The following TMEM232 variants were observed in gnomAD, a reference collection of about 807,000 sequenced individuals.
The protein encoded by TMEM232 is transmembrane protein 232.
In TMEM232, 80 loss-of-function variants were observed where a neutral mutation model predicts 78.8. That is an observed-to-expected ratio of 1.01 (90% CI 0.85 to 1.22). The LOEUF is 1.22. TMEM232 is among the 50% of genes most tolerant of loss of function. The probability of loss-of-function intolerance (pLI) is 0.00; values close to 1 mark genes in which losing one functional copy is unlikely to be tolerated. For missense variants in TMEM232, 881 were observed against 742.2 expected (o/e 1.19, Z -2.17); for synonymous variants, 297 against 254.3 (o/e 1.17, Z -1.60).
At chr5:110,518,431 A>C (rs940358206) in intron 12 of TMEM232, among the ~76,000 whole-genome samples, 11 of 152,136 alleles carry the variant, frequency 7.2e-5, no homozygotes, top group Admixed American at 6.5e-5. Context: ...TCTACATTCC[A>C]ATACCCAGGC....
At chr5:110,679,053 C>T (rs1453332584) in intron 1 of TMEM232, among the ~76,000 whole-genome samples, 1 of 152,090 alleles carries the variant, frequency 6.6e-6, no homozygotes, top group Non-Finnish European at 1.5e-5. Context: ...GATTGCTGTA[C>T]CTTATGGTAA....
chr5:110,678,785 C>T (rs181970608), intron 1 of TMEM232, among the ~76,000 whole-genome samples: 5 of 151,896 alleles, frequency 3.3e-5, no homozygotes, highest in Non-Finnish European at 7.4e-5. Context: ...CACTATGTAG[C>T]CTTTTCAGAT....
intron 5 of TMEM232, among the ~76,000 whole-genome samples, chr5:110,634,910 T>C (rs377663128): frequency 7.5e-4 from 114 of 152,028 alleles, no homozygotes; most frequent in African/African-American, 2.7e-3. Context: ...AATGAAAAAG[T>C]TTTTTTAAAG....
chr5:110,406,454 T>C (rs1406171061), intron 2 of TMEM232, among the ~76,000 whole-genome samples: 10 of 152,058 alleles, frequency 6.6e-5, no homozygotes, highest in Non-Finnish European at 1.2e-4. Context: ...TTCCTTTGAA[T>C]AAATATCCAA....
intron 12 of TMEM232, among the ~76,000 whole-genome samples, chr5:110,449,819 T>G (rs1760072022): frequency 6.6e-6 from 1 of 152,134 alleles, no homozygotes; most frequent in Admixed American, 6.6e-5. Flanking sequence ...AATTTGTTCT[T>G]TTTCCTTTTT....
At chr5:110,625,179 C>A in intron 7 of TMEM232, 88 bp downstream of exon 7, 1 of 1,303,432 alleles carries the variant, frequency 7.7e-7, no homozygotes, top group Middle Eastern at 1.9e-4. Context: ...TCAATGTCTA[C>A]TGTATTGATA....
intron 7 of TMEM232, among the ~76,000 whole-genome samples, chr5:110,623,004 A>G (rs1783967947): frequency 1.3e-5 from 2 of 151,360 alleles, no homozygotes; most frequent in South Asian, 2.1e-4. Context: ...ATAAATAAAT[A>G]AATAAATAAA....
At chr5:110,488,052 G>T (rs925573775) in intron 12 of TMEM232, among the ~76,000 whole-genome samples, 1 of 151,670 alleles carries the variant, frequency 6.6e-6, no homozygotes, top group Admixed American at 6.6e-5. Context: ...GTCTGTTCAG[G>T]GTATCTAATT....
intron 2 of TMEM232, among the ~76,000 whole-genome samples, chr5:110,404,434 T>C (rs1287813183): frequency 6.6e-6 from 1 of 152,100 alleles, no homozygotes; most frequent in African/African-American, 2.4e-5. Flanking sequence ...TTATCTTATG[T>C]CTATCTTGCT....
intron 2 of TMEM232, 133 bp downstream of exon 2, chr5:110,667,095 T>A (rs1453902441): frequency 1.5e-6 from 1 of 680,722 alleles, no homozygotes; most frequent in Non-Finnish European, 2.3e-6. Flanking sequence ...TAAACAAGGC[T>A]ATTAAACAAA....
chr5:110,627,346 CA>C (rs1784546170), intron 6 of TMEM232, among the ~76,000 whole-genome samples: 1 of 151,666 alleles, frequency 6.6e-6, no homozygotes, highest in African/African-American at 2.4e-5. Flanking sequence ...ACTTAAGTGG[CA>C]AAGTGAAAAA....
At chr5:110,483,127 A>T (rs1764072300) in intron 12 of TMEM232, among the ~76,000 whole-genome samples, 1 of 152,150 alleles carries the variant, frequency 6.6e-6, no homozygotes, top group Non-Finnish European at 1.5e-5. Context: ...TGGGCATACA[A>T]TGTATAAAGA....
intron 8 of TMEM232, among the ~76,000 whole-genome samples, chr5:110,615,052 G>T (rs576835919): frequency 6.6e-6 from 1 of 151,868 alleles, no homozygotes; most frequent in African/African-American, 2.4e-5. Context: ...CTCAGTAGGT[G>T]TCTCCCATCA....
At chr5:110,438,444 C>T (rs915645369) in intron 12 of TMEM232, among the ~76,000 whole-genome samples, 4 of 151,672 alleles carry the variant, frequency 2.6e-5, no homozygotes, top group African/African-American at 9.7e-5. Context: ...GCAGAGATTA[C>T]TAACAAATTG....
intron 12 of TMEM232, among the ~76,000 whole-genome samples, chr5:110,439,319 T>C (rs1432922381): frequency 6.6e-6 from 1 of 152,174 alleles, no homozygotes; most frequent in African/African-American, 2.4e-5. Context: ...TACTCCCACA[T>C]TAAAAATATA....
chr5:110,640,363 T>C (rs1020165598), intron 4 of TMEM232, among the ~76,000 whole-genome samples: 19 of 152,222 alleles, frequency 1.2e-4, no homozygotes, highest in African/African-American at 4.3e-4. Context: ...AATTAAATGA[T>C]AGTGATGGAA....
At chr5:110,444,189 C>T (rs969764327) in intron 12 of TMEM232, among the ~76,000 whole-genome samples, 2 of 152,100 alleles carry the variant, frequency 1.3e-5, no homozygotes, top group African/African-American at 2.4e-5. Context: ...TCCTAGACTG[C>T]CTTTCAAGTT....
intron 8 of TMEM232, chr5:110,610,722 C>T (rs1561382416): frequency 3.1e-6 from 1 of 320,654 alleles, no homozygotes; most frequent in Admixed American, 4.4e-5. Context: ...CTTCGAACAT[C>T]TCATCATAAC....
intron 2 of TMEM232, among the ~76,000 whole-genome samples, chr5:110,412,482 A>G (rs191354944): frequency 6.6e-6 from 1 of 152,266 alleles, no homozygotes; most frequent in East Asian, 1.9e-4. Context: ...TGAAGCAATC[A>G]TGACCATTGA....
Sources: allele counts gnomAD v4.1 joint callset (sites outside exome capture counted in the v4.1 genomes callset), GRCh38; gene constraint gnomAD v4.1.1; transcripts MANE v1.5; gene names NCBI Gene and HGNC (gene_info 2026-07-23, HGNC 2026-07-21).